Variants in ELOVL6 observed in about 807,000 individuals in gnomAD.
ELOVL6 encodes ELOVL fatty acid elongase 6.
Under a neutral mutation model 31.7 loss-of-function variants are expected in ELOVL6, and 8 were observed. The observed-to-expected ratio is 0.25, with a 90% CI of 0.15 to 0.45. The LOEUF (loss-of-function observed/expected upper bound fraction) is 0.45, where lower values mean the gene tolerates loss of function less well. ELOVL6 is among the 20% of genes least tolerant of loss of function. The pLI, the probability that ELOVL6 is intolerant of heterozygous loss-of-function variation, is 1.00. For synonymous variants in ELOVL6, 101 were observed against 117.7 expected (o/e 0.86, Z 0.92); for missense variants, 126 against 326.4 (o/e 0.39, Z 4.73).
At position 110,198,255 on chromosome 4, in the gene ELOVL6, C is replaced by T; in HGVS notation, c.81G>A (p.Gln27=). Residue 27 remains glutamine, a synonymous_variant, in exon 1 of 4, where the codon CAG becomes CAA. Coordinates refer to ENST00000302274, the MANE Select transcript of ELOVL6 (RefSeq NM_024090.3). The part of the protein sequence containing the change: ...FNENEAIQWM[Q]ENWKKSFLFS... Reference sequence around the variant, plus strand: ...GCGAAAGCATCACGTACCAGTTTTCCTGCATCCATTGGATGGCTTCATTCT... The same window carrying T: ...GCGAAAGCATCACGTACCAGTTTTCTTGCATCCATTGGATGGCTTCATTCT... The T allele has an allele frequency of 6.3e-7, 1 of 1,598,694 alleles. No individual in the cohort carries two copies. Among genetic ancestry groups the T allele is most frequent in the Middle Eastern group, 1.7e-4 (1 of 6,040 alleles).
chr4:110,158,175 T>C (rs1758508182), intron 1 of ELOVL6, among the ~76,000 whole-genome samples: 1 of 152,194 alleles, frequency 6.6e-6, no homozygotes, highest in South Asian at 2.1e-4. Context: ...CCAAACATAC[T>C]ATACAACCCT....
intron 1 of ELOVL6, among the ~76,000 whole-genome samples, chr4:110,193,408 CA>C (rs1355409299): frequency 1.3e-5 from 2 of 152,074 alleles, no homozygotes; most frequent in Non-Finnish European, 2.9e-5. Context: ...AGTTCAAGAC[CA>C]ACCTGACCAA....
chr4:110,082,870 C>T (rs1755911144), intron 2 of ELOVL6, among the ~76,000 whole-genome samples: 1 of 152,174 alleles, frequency 6.6e-6, no homozygotes, highest in South Asian at 2.1e-4. Context: ...AGAATATGGA[C>T]TCAACAATTA....
At chr4:110,093,374 T>C (rs779734492) in intron 2 of ELOVL6, among the ~76,000 whole-genome samples, 3 of 152,202 alleles carry the variant, frequency 2.0e-5, no homozygotes, top group Non-Finnish European at 2.9e-5. Flanking sequence ...GGAAAATTAC[T>C]TAATCAAAAA....
At chr4:110,198,140 G>C in intron 1 of ELOVL6, 107 bp downstream of exon 1, 1 of 770,560 alleles carries the variant, frequency 1.3e-6, no homozygotes, top group Non-Finnish European at 2.3e-6. Flanking sequence ...CTGGCTGCCC[G>C]CGATTCATCG....
At chr4:110,087,861 T>A (rs967350367) in intron 2 of ELOVL6, among the ~76,000 whole-genome samples, 3 of 151,674 alleles carry the variant, frequency 2.0e-5, no homozygotes, top group African/African-American at 4.8e-5. Context: ...ATACTTCCAA[T>A]CAAAGAGATT....
chr4:110,182,371 A>G (rs906557259), intron 1 of ELOVL6, among the ~76,000 whole-genome samples: 3 of 152,200 alleles, frequency 2.0e-5, no homozygotes, highest in Non-Finnish European at 4.4e-5. Context: ...GGGCAGTTCA[A>G]TGTCCTCACA....
intron 1 of ELOVL6, among the ~76,000 whole-genome samples, chr4:110,118,264 C>G (rs1043552056): frequency 1.3e-5 from 2 of 151,688 alleles, no homozygotes; most frequent in African/African-American, 4.9e-5. Context: ...GGCCAGTGAT[C>G]TTAAATGAAT....
rs1002980438 is a variant in ELOVL6, at chr4:110,048,724, T to A, written c.*2614A>T. On this transcript the variant is annotated 3_prime_UTR_variant, in exon 4 of 4. Coordinates refer to ENST00000302274, the MANE Select transcript of ELOVL6 (RefSeq NM_024090.3). ...TTGTTTTGTTTTGTTTTAAAAAAAA[T>A]GTGGCTTTTTTCCTCCCATGATAAA... 1 of 151,478 alleles carries A rather than the reference T, an allele frequency of 6.6e-6. No individual in the cohort carries two copies. The highest frequency in any genetic ancestry group is 1.5e-5 in the Non-Finnish European group (1 of 67,912). 9.4% of individuals were successfully genotyped at this position (151,478 alleles called of 1,614,324 possible). A position where few individuals can be genotyped will look rare whatever the true frequency, so the allele number is the denominator to read the frequency against.
At chr4:110,105,739 CCTGCTTCA>C in intron 1 of ELOVL6, 111 bp from the exon 2 acceptor site, 1 of 981,200 alleles carries the variant, frequency 1.0e-6, no homozygotes, top group Non-Finnish European at 1.5e-6. Context: ...TGAGAATATT[CCTGCTTCA>C]CTGAAGAGGG....
At chr4:110,064,684 C>T (rs896415870) in intron 2 of ELOVL6, among the ~76,000 whole-genome samples, 2 of 151,964 alleles carry the variant, frequency 1.3e-5, no homozygotes, top group Non-Finnish European at 1.5e-5. Flanking sequence ...AATGGGGTCT[C>T]ATCATCTTGC....
chr4:110,141,823 C>G (rs146386303), intron 1 of ELOVL6, among the ~76,000 whole-genome samples: 1,528 of 125,532 alleles, frequency 0.012, 29 homozygotes, highest in African/African-American at 0.042. Flanking sequence ...CAATACAATA[C>G]CATATATATA....
intron 1 of ELOVL6, among the ~76,000 whole-genome samples, chr4:110,164,487 C>T (rs1216872978): frequency 2.0e-5 from 3 of 152,204 alleles, no homozygotes; most frequent in East Asian, 1.9e-4. Flanking sequence ...CAAGCACAGC[C>T]GGGTGAGGTG....
intron 2 of ELOVL6, among the ~76,000 whole-genome samples, chr4:110,083,658 G>C (rs1414685390): frequency 6.6e-6 from 1 of 151,484 alleles, no homozygotes; most frequent in African/African-American, 2.4e-5. Flanking sequence ...GCTGTGTGGT[G>C]AAAGGACTGT....
chr4:110,141,753 G>A (rs1480424915), intron 1 of ELOVL6, among the ~76,000 whole-genome samples: 2 of 92,808 alleles, frequency 2.2e-5, no homozygotes, highest in African/African-American at 1.2e-4. Flanking sequence ...TATATATATA[G>A]TATTGTATTA....
At chr4:110,120,348 AAAAGT>A (rs1262409154) in intron 1 of ELOVL6, among the ~76,000 whole-genome samples, 4 of 53,696 alleles carry the variant, frequency 7.4e-5, no homozygotes, top group African/African-American at 3.5e-4. Context: ...TAAAAAATAA[AAAAGT>A]AAAAAAAAAA....
At chr4:110,186,803 C>CA (rs397994948) in intron 1 of ELOVL6, among the ~76,000 whole-genome samples, 3,286 of 82,494 alleles carry the variant, frequency 0.04, 112 homozygotes, top group Admixed American at 0.064. Context: ...GACTCTGTCT[C>CA]AAAAAAAAAA....
intron 2 of ELOVL6, among the ~76,000 whole-genome samples, chr4:110,090,616 T>C (rs868155561): frequency 6.9e-6 from 1 of 144,142 alleles, no homozygotes; most frequent in Non-Finnish European, 1.5e-5. Flanking sequence ...TTTTTTTTTT[T>C]TTTTCATGAG....
At chr4:110,064,090 AAAAAG>A (rs1320334786) in intron 2 of ELOVL6, among the ~76,000 whole-genome samples, 6 of 150,328 alleles carry the variant, frequency 4.0e-5, no homozygotes, top group East Asian at 3.9e-4. Flanking sequence ...AAAAAAAAAA[AAAAAG>A]AAAGAAAGAA....
Sources: allele counts gnomAD v4.1 joint callset (sites outside exome capture counted in the v4.1 genomes callset), GRCh38; gene constraint gnomAD v4.1.1; transcripts MANE v1.5; gene names NCBI Gene and HGNC (gene_info 2026-07-23, HGNC 2026-07-21).